The following DLG2 variants were observed in gnomAD, a reference collection of about 807,000 sequenced individuals.
DLG2 encodes disks large homolog 2.
In DLG2, 45 loss-of-function variants were observed where a neutral mutation model predicts 132.5. The observed-to-expected ratio is 0.34, with a 90% CI of 0.27 to 0.44. DLG2 has a LOEUF of 0.44. DLG2 is among the 20% of genes least tolerant of loss of function. The probability of loss-of-function intolerance (pLI) is 1.00; values close to 1 mark genes in which losing one functional copy is unlikely to be tolerated. For synonymous variants in DLG2, 424 were observed against 419.6 expected (o/e 1.01, Z -0.13); for missense variants, 1,045 against 1,196.9 (o/e 0.87, Z 1.87).
intron 7 of DLG2, among the ~76,000 whole-genome samples, chr11:84,495,700 C>T (rs1404055789): frequency 6.6e-6 from 1 of 152,128 alleles, no homozygotes; most frequent in Non-Finnish European, 1.5e-5. Flanking sequence ...CTTATCCCTG[C>T]ATTAACACTA....
chr11:84,166,518 A>G (rs950368587), intron 8 of DLG2, among the ~76,000 whole-genome samples: 11 of 146,246 alleles, frequency 7.5e-5, no homozygotes, highest in Admixed American at 7.4e-4. Flanking sequence ...AAAAAAAAAA[A>G]AAGAAAAGAA....
At chr11:84,793,433 G>A (rs1310537912) in intron 6 of DLG2, among the ~76,000 whole-genome samples, 1 of 152,176 alleles carries the variant, frequency 6.6e-6, no homozygotes, top group African/African-American at 2.4e-5. Flanking sequence ...CTAAAGTGCA[G>A]GTTAAGTCTG....
intron 7 of DLG2, among the ~76,000 whole-genome samples, chr11:84,275,779 T>C (rs1175187641): frequency 2.6e-5 from 4 of 152,198 alleles, no homozygotes; most frequent in African/African-American, 9.7e-5. Context: ...TTTAAAAACG[T>C]GTAAGTACCA....
At chr11:84,113,172 G>T (rs2093450501) in intron 9 of DLG2, among the ~76,000 whole-genome samples, 1 of 152,074 alleles carries the variant, frequency 6.6e-6, no homozygotes, top group Non-Finnish European at 1.5e-5. Flanking sequence ...TTTTACTTAA[G>T]AATATCTTTG....
At chr11:84,842,581 G>T (rs2154009238) in intron 6 of DLG2, among the ~76,000 whole-genome samples, 1 of 152,016 alleles carries the variant, frequency 6.6e-6, no homozygotes, top group East Asian at 1.9e-4. Context: ...ATACACAAAT[G>T]CCCCGTCCAG....
intron 19 of DLG2, among the ~76,000 whole-genome samples, chr11:83,572,393 A>C (rs767002468): frequency 9.2e-5 from 14 of 152,166 alleles, no homozygotes; most frequent in Non-Finnish European, 1.9e-4. Flanking sequence ...GTAACTCTTA[A>C]ATTTTGAGAA....
intron 6 of DLG2, among the ~76,000 whole-genome samples, chr11:84,709,327 C>A (rs1264577057): frequency 6.6e-6 from 1 of 151,650 alleles, no homozygotes; most frequent in African/African-American, 2.4e-5. Flanking sequence ...CATGAAAAAG[C>A]TTCTTTCTAG....
At chr11:84,576,727 T>C (rs941646171) in intron 6 of DLG2, among the ~76,000 whole-genome samples, 1 of 152,170 alleles carries the variant, frequency 6.6e-6, no homozygotes, top group Non-Finnish European at 1.5e-5. Flanking sequence ...AATTAGATAA[T>C]TTATTTATTA....
intron 18 of DLG2, among the ~76,000 whole-genome samples, chr11:83,715,965 A>G (rs2086599770): frequency 6.6e-6 from 1 of 152,186 alleles, no homozygotes; most frequent in South Asian, 2.1e-4. Context: ...AGGAGCCTAT[A>G]AGACTCCCAT....
rs573439633 is a variant in DLG2, at chr11:85,396,498, C to T, written c.41-111133G>A. Among the ~76,000 whole-genome samples, 12 of 152,242 alleles carry T rather than the reference C, an allele frequency of 7.9e-5. No homozygotes were observed. In the East Asian group the frequency reaches 9.6e-4, roughly 12 times the overall value. On this transcript the variant is annotated intron_variant, in intron 3 of 27. Coordinates refer to ENST00000376104, the MANE Select transcript of DLG2 (RefSeq NM_001142699.3). ...CTTCTCCAAGCTAAAGGAGCATGTT[C>T]TAACCCATCAGAAGGAAGCTAAAAA...
At chr11:84,391,448 C>T (rs190893045) in intron 7 of DLG2, among the ~76,000 whole-genome samples, 195 of 152,186 alleles carry the variant, frequency 1.3e-3, no homozygotes, top group Non-Finnish European at 2.6e-3. Context: ...TTACCAATAA[C>T]CCAACCCAAA....
intron 4 of DLG2, among the ~76,000 whole-genome samples, chr11:85,199,738 A>G (rs1029665577): frequency 6.6e-6 from 1 of 152,212 alleles, no homozygotes; most frequent in Non-Finnish European, 1.5e-5. Flanking sequence ...TAAACAATAT[A>G]TAGAGTTCTA....
At position 85,150,010 on chromosome 11, in the gene DLG2, A is replaced by ATTT. The variant is rs962380618; in HGVS notation, c.282+4543_282+4545dup. Reference sequence around the variant, plus strand: ...ATTAACTCAAAAACATCAGTTTTTAATTTTTTTTTTTTTTTTTTTTTTTTT... The same window carrying ATTT: ...ATTAACTCAAAAACATCAGTTTTTAATTTTTTTTTTTTTTTTTTTTTTTTTTTT... On this transcript the variant is annotated intron_variant, in intron 5 of 27. Coordinates refer to ENST00000376104, the MANE Select transcript of DLG2 (RefSeq NM_001142699.3). Among the ~76,000 whole-genome samples the ATTT allele has an allele frequency of 1.0e-3, 117 of 112,308 alleles. 4 individuals are homozygous for ATTT. The highest frequency in any genetic ancestry group is 4.4e-3 in the Middle Eastern group (1 of 226). 73.7% of individuals were successfully genotyped at this position (112,308 alleles called of 152,430 possible). A position where few individuals can be genotyped will look rare whatever the true frequency, so the allele number is the denominator to read the frequency against.
chr11:84,773,785 C>T (rs11518754), intron 6 of DLG2, among the ~76,000 whole-genome samples: 40,555 of 151,944 alleles, frequency 0.27, 5,930 homozygotes, highest in Middle Eastern at 0.32. Flanking sequence ...AAGGAACATA[C>T]CTCAAAATAA....
intron 9 of DLG2, among the ~76,000 whole-genome samples, chr11:84,107,217 T>C (rs1174292936): frequency 6.6e-6 from 1 of 151,768 alleles, no homozygotes; most frequent in Non-Finnish European, 1.5e-5. Flanking sequence ...GGAGTGAGAA[T>C]GGGGCCCAGA....
At chr11:84,116,606 A>G (rs986626593) in intron 9 of DLG2, among the ~76,000 whole-genome samples, 6 of 152,162 alleles carry the variant, frequency 3.9e-5, no homozygotes, top group Admixed American at 3.3e-4. Flanking sequence ...CCATGATTCA[A>G]TTACCTCCCA....
At chr11:85,441,434 T>G (rs1265662269) in intron 3 of DLG2, among the ~76,000 whole-genome samples, 1 of 152,190 alleles carries the variant, frequency 6.6e-6, no homozygotes, top group African/African-American at 2.4e-5. Context: ...TCTCATTTCC[T>G]TTTCCTCCCT....
intron 19 of DLG2, among the ~76,000 whole-genome samples, chr11:83,592,033 G>C (rs1487060547): frequency 4.3e-4 from 63 of 147,654 alleles, no homozygotes. Flanking sequence ...CTCATGGGTA[G>C]GAAGAATCAA....
chr11:84,973,348 T>G (rs1251120669), intron 6 of DLG2, among the ~76,000 whole-genome samples: 1 of 152,162 alleles, frequency 6.6e-6, no homozygotes, highest in Admixed American at 6.5e-5. Flanking sequence ...AATCAGATAG[T>G]GCAGGAGGCG....
Sources: allele counts gnomAD v4.1 joint callset (sites outside exome capture counted in the v4.1 genomes callset), GRCh38; gene constraint gnomAD v4.1.1; transcripts MANE v1.5; gene names NCBI Gene and HGNC (gene_info 2026-07-23, HGNC 2026-07-21).